RALB: variants seen among roughly 807,000 people sequenced by gnomAD.
RALB encodes the protein RAS like proto-oncogene B, also known as ras-related protein Ral-B.
Under a neutral mutation model 21.3 loss-of-function variants are expected in RALB, and 16 were observed. That is an observed-to-expected ratio of 0.75 (90% CI 0.51 to 1.14). RALB has a LOEUF of 1.14. Ranked by LOEUF, RALB falls within the 50% of genes most tolerant of loss-of-function variation. RALB has a pLI of 0.00. For missense variants in RALB, 161 were observed against 256.2 expected, an observed-to-expected ratio of 0.63 and a Z score of 2.54; for synonymous variants, 93 against 96.1, an observed-to-expected ratio of 0.97 and a Z score of 0.19.
At chr2:120,266,152 T>A (rs1043190616) in intron 1 of RALB, among the ~76,000 whole-genome samples, 5 of 152,236 alleles carry the variant, frequency 3.3e-5, no homozygotes, top group African/African-American at 1.2e-4. Flanking sequence ...CAGTGGCTCA[T>A]GCCTGTAATC....
At chr2:120,264,379 T>C (rs1009574575) in intron 1 of RALB, among the ~76,000 whole-genome samples, 1 of 152,148 alleles carries the variant, frequency 6.6e-6, no homozygotes, top group African/African-American at 2.4e-5. Flanking sequence ...CTGGAACTCC[T>C]GACCTCAAGT....
At chr2:120,260,760 G>A (rs752776619) in intron 1 of RALB, among the ~76,000 whole-genome samples, 12 of 152,390 alleles carry the variant, frequency 7.9e-5, no homozygotes, top group Admixed American at 2.0e-4. Context: ...TCCAGGCAGC[G>A]TTTTGTCACT....
At chr2:120,283,126 C>T (rs1004980568) in intron 2 of RALB, among the ~76,000 whole-genome samples, 21 of 152,120 alleles carry the variant, frequency 1.4e-4, no homozygotes, top group Non-Finnish European at 7.4e-5. Context: ...GTGGCAGCTC[C>T]TGCCTGAGAG....
chr2:120,246,170 C>T (rs980931304), intron 1 of RALB, among the ~76,000 whole-genome samples: 1 of 152,140 alleles, frequency 6.6e-6, no homozygotes, highest in Admixed American at 6.5e-5. Flanking sequence ...TTCACCAGGG[C>T]GGGGTTTGGC....
chr2:120,282,609 G>T (rs1386221235), intron 2 of RALB, among the ~76,000 whole-genome samples: 2 of 152,100 alleles, frequency 1.3e-5, no homozygotes, highest in East Asian at 3.9e-4. Context: ...GCATGCAGAA[G>T]ATTCGAGAGT....
intron 3 of RALB, among the ~76,000 whole-genome samples, chr2:120,287,569 C>G (rs1176144393): frequency 6.6e-6 from 1 of 152,182 alleles, no homozygotes; most frequent in African/African-American, 2.4e-5. Flanking sequence ...TTTTGATTTC[C>G]TGTTGTTCTG....
At chr2:120,252,612 C>G (rs1689078582), upstream of RALB, 1 of 194,040 alleles carries the variant, frequency 5.2e-6, no homozygotes, top group South Asian at 1.8e-4. Flanking sequence ...GTCCGAGGGG[C>G]AGAGAGAGAA....
chr2:120,252,460 G>A (rs1689074560), upstream of RALB, among the ~76,000 whole-genome samples: 1 of 152,266 alleles, frequency 6.6e-6, no homozygotes, highest in Non-Finnish European at 1.5e-5. Flanking sequence ...TGTATGATCA[G>A]GTCTGTCCTT....
chr2:120,273,455 C>A (rs1007388928), intron 1 of RALB, among the ~76,000 whole-genome samples: 2 of 152,180 alleles, frequency 1.3e-5, no homozygotes, highest in African/African-American at 4.8e-5. Context: ...TGACCTCTGA[C>A]CACATGACTC....
chr2:120,283,029 A>G (rs980991980), intron 2 of RALB, among the ~76,000 whole-genome samples: 3 of 152,080 alleles, frequency 2.0e-5, no homozygotes, highest in Non-Finnish European at 4.4e-5. Context: ...TAAAAAAAAA[A>G]AACACCTCCT....
chr2:120,257,877 G>T (rs1573324644), intron 1 of RALB, among the ~76,000 whole-genome samples: 1 of 152,182 alleles, frequency 6.6e-6, no homozygotes, highest in Non-Finnish European at 1.5e-5. Context: ...TTTAGCCAAT[G>T]TGTTACCTCT....
chr2:120,284,830 C>A (rs906853743), intron 2 of RALB, among the ~76,000 whole-genome samples: 2 of 152,166 alleles, frequency 1.3e-5, no homozygotes, highest in African/African-American at 2.4e-5. Context: ...CTGCTTTCTG[C>A]TTCTATGGAT....
intron 1 of RALB, among the ~76,000 whole-genome samples, chr2:120,255,082 TA>T (rs138292165): frequency 0.032 from 4,827 of 152,306 alleles, 114 homozygotes; most frequent in Middle Eastern, 0.051. Flanking sequence ...GAAACATCAT[TA>T]GAGACCTTTC....
intron 2 of RALB, among the ~76,000 whole-genome samples, 166 bp from the exon 3 acceptor site, chr2:120,285,707 AC>A (rs1316465198): frequency 6.6e-6 from 1 of 152,244 alleles, no homozygotes; most frequent in Non-Finnish European, 1.5e-5. Context: ...TTGTTTAAAA[AC>A]AAAAAATGGC....
chr2:120,273,647 G>A (rs1461001046), intron 1 of RALB, among the ~76,000 whole-genome samples: 1 of 152,234 alleles, frequency 6.6e-6, no homozygotes, highest in African/African-American at 2.4e-5. Flanking sequence ...ATTCCTCTCA[G>A]GGTTGGTGTG....
At chr2:120,246,556 T>C (rs568566033) in intron 1 of RALB, among the ~76,000 whole-genome samples, 1 of 152,294 alleles carries the variant, frequency 6.6e-6, no homozygotes, top group Non-Finnish European at 1.5e-5. Context: ...CTAACTCGGG[T>C]CTTCATGTCC....
chr2:120,263,479 G>A (rs1036939421), intron 1 of RALB, among the ~76,000 whole-genome samples: 2 of 152,240 alleles, frequency 1.3e-5, no homozygotes, highest in Non-Finnish European at 2.9e-5. Context: ...TTAAAAAGCA[G>A]CTAAGTGCTT....
At position 120,293,146 on chromosome 2, in the gene RALB, C is replaced by T; in HGVS notation, c.507C>T (p.Phe169=). Residue 169 remains phenylalanine (F), a synonymous_variant, in exon 5 of 5, where the codon TTC becomes TTT. Transcript: ENST00000272519. ...AKTRANVDKV[F]FDLMREIRTK... ...TCTTTACTCCTCACCCCCAGGTGTT[C>T]TTTGACCTAATGAGAGAAATCAGAA... 1 of 1,609,874 alleles carries T rather than the reference C, an allele frequency of 6.2e-7. No homozygotes were observed. Among genetic ancestry groups the T allele is most frequent in the East Asian group, 2.2e-5 (1 of 44,686 alleles).
chr2:120,241,154 T>G (rs1219803796), intron 1 of RALB, among the ~76,000 whole-genome samples: 1 of 152,190 alleles, frequency 6.6e-6, no homozygotes, highest in Non-Finnish European at 1.5e-5. Context: ...TCTGGGCCCC[T>G]GCCTCCCACT....
Sources: allele counts gnomAD v4.1 joint callset (sites outside exome capture counted in the v4.1 genomes callset), GRCh38; gene constraint gnomAD v4.1.1; transcripts MANE v1.5; gene names NCBI Gene and HGNC (gene_info 2026-07-23, HGNC 2026-07-21).